The following CCDC14 variants were observed in gnomAD, a reference collection of about 807,000 sequenced individuals.
The protein encoded by CCDC14 is coiled-coil domain containing 14.
In CCDC14, 71 loss-of-function variants were observed where a neutral mutation model predicts 81.4. That is an observed-to-expected ratio of 0.87 (90% CI 0.72 to 1.06). CCDC14 has a LOEUF of 1.06. Among genes scored for constraint, CCDC14 ranks in the 50% least tolerant of loss-of-function variants. CCDC14 has a pLI of 0.00. For synonymous variants in CCDC14, 332 were observed against 364.8 expected, an observed-to-expected ratio of 0.91 and a Z score of 1.03; for missense variants, 1,046 against 1,047.3, an observed-to-expected ratio of 1.00 and a Z score of 0.02.
chr3:123,942,471 G>C (rs989392598), intron 9 of CCDC14, among the ~76,000 whole-genome samples: 1 of 152,068 alleles, frequency 6.6e-6, no homozygotes, highest in East Asian at 1.9e-4. Flanking sequence ...ATCTTATATC[G>C]TAGTAGCTAC....
chr3:123,958,060 T>C (rs1451659173), intron 1 of CCDC14: 2 of 152,130 alleles, frequency 1.3e-5, no homozygotes, highest in East Asian at 1.9e-4. Context: ...GTAAGAGTTA[T>C]ACGTCTTGAG....
intron 1 of CCDC14, chr3:123,958,770 C>G (rs2037490794): frequency 6.6e-6 from 1 of 152,016 alleles, no homozygotes; most frequent in Admixed American, 6.6e-5. Context: ...TATCCCAATA[C>G]TGTTCTTTAC....
intron 5 of CCDC14, chr3:123,955,572 C>T (rs1361504335): frequency 8.5e-6 from 2 of 236,198 alleles, no homozygotes; most frequent in Non-Finnish European, 8.1e-6. Context: ...ACTAAGATCA[C>T]TCTATATACC....
Position 123,931,088 on chromosome 3 carries a change from G to A in CCDC14, c.1778+14C>T. Reference sequence around the variant, plus strand: ...TAAAAAAGGCATGAGTTATTCAAAGGAAGTCAATTTTACCTGGTTAATTCT... The same window carrying A: ...TAAAAAAGGCATGAGTTATTCAAAGAAAGTCAATTTTACCTGGTTAATTCT... On this transcript the variant is annotated intron_variant, in intron 12 of 12. Transcript: ENST00000409697. 6.4e-7 allele frequency: 1 copy of A among 1,560,392 alleles called. No homozygotes were observed. The highest frequency in any genetic ancestry group is 8.6e-7 in the Non-Finnish European group (1 of 1,162,432).
Position 123,936,796 on chromosome 3 carries a change from C to T in CCDC14, c.1344-3041G>A, listed in dbSNP as rs72964807. On this transcript the variant is annotated intron_variant, in intron 9 of 12. Transcript: ENST00000409697. Reference sequence around the variant, plus strand: ...CATGTATAACAAACCTCCTGTGACACGTGTTTACCTATGTAACAAACCTTC... The same window carrying T: ...CATGTATAACAAACCTCCTGTGACATGTGTTTACCTATGTAACAAACCTTC... Among the ~76,000 whole-genome samples the T allele has an allele frequency of 8.3e-3, 1,270 of 152,108 alleles. 12 individuals carry two copies. The highest frequency in any genetic ancestry group is 0.027 in the African/African-American group (1,136 of 41,532).
At chr3:123,948,606 A>G (rs933379804) in intron 7 of CCDC14, 85 bp downstream of exon 7, 1 of 1,001,570 alleles carries the variant, frequency 1.0e-6, no homozygotes, top group African/African-American at 1.7e-5. Context: ...TAGTGCATTA[A>G]GTTATAAGCA....
intron 2 of CCDC14, 78 bp from the exon 3 acceptor site, chr3:123,956,505 AAAGAC>A (rs771559197): frequency 2.1e-5 from 22 of 1,038,380 alleles, no homozygotes; most frequent in East Asian, 1.1e-4. Flanking sequence ...TCTTTCCAGC[AAAGAC>A]AAGAAAGCTT....
downstream of CCDC14, among the ~76,000 whole-genome samples, chr3:123,911,793 G>A (rs1375042489): frequency 6.6e-6 from 1 of 152,196 alleles, no homozygotes; most frequent in Admixed American, 6.5e-5. Flanking sequence ...GGTCAGCTGT[G>A]ATGAAGCTGC....
intron 9 of CCDC14, among the ~76,000 whole-genome samples, chr3:123,942,055 T>G (rs1222581158): frequency 6.6e-6 from 1 of 152,008 alleles, no homozygotes; most frequent in Non-Finnish European, 1.5e-5. Context: ...TACACCTAAA[T>G]AGTGAGGTAT....
At chr3:123,936,004 C>G (rs1038441343) in intron 9 of CCDC14, among the ~76,000 whole-genome samples, 7 of 152,082 alleles carry the variant, frequency 4.6e-5, no homozygotes, top group Non-Finnish European at 8.8e-5. Context: ...CCATTCTCCT[C>G]CTAGACCATC....
At chr3:123,896,385 A>G (rs1276966939), downstream of CCDC14, among the ~76,000 whole-genome samples, 1 of 152,226 alleles carries the variant, frequency 6.6e-6, no homozygotes, top group African/African-American at 2.4e-5. Context: ...TTTATAAATT[A>G]CCCAGTTTTA....
rs79445981 is a variant in CCDC14, at chr3:123,949,360, A to C, written c.353-228T>G. 620 of 483,260 alleles carry C rather than the reference A, an allele frequency of 1.3e-3. 2 individuals carry two copies. Among genetic ancestry groups the C allele is most frequent in the African/African-American group, 1.0e-2 (519 of 52,034 alleles). 29.9% of individuals were successfully genotyped at this position (483,260 alleles called of 1,614,324 possible). On this transcript the variant is annotated intron_variant, in intron 5 of 12. Coordinates refer to ENST00000409697, the MANE Select transcript of CCDC14 (RefSeq NM_001366335.1). Reference sequence around the variant, plus strand: ...AAATCATCTATACTAATTCTTTACAATTCCCATTTTTTATGCTACTTGCCA... The same window carrying C: ...AAATCATCTATACTAATTCTTTACACTTCCCATTTTTTATGCTACTTGCCA...
chr3:123,886,307 G>A, the CCDC14 span, among the ~76,000 whole-genome samples: 1 of 151,862 alleles, frequency 6.6e-6, no homozygotes, highest in South Asian at 2.1e-4. Context: ...AGAAGCTCTA[G>A]TTTTTTTGTT....
intron 5 of CCDC14, among the ~76,000 whole-genome samples, chr3:123,902,874 C>T (rs538147503): frequency 6.6e-6 from 1 of 152,030 alleles, no homozygotes; most frequent in South Asian, 2.1e-4. Flanking sequence ...CATAGGTATA[C>T]ATGTGCCATG....
At chr3:123,917,418 C>G (rs2034772677) in intron 12 of CCDC14, among the ~76,000 whole-genome samples, 1 of 151,218 alleles carries the variant, frequency 6.6e-6, no homozygotes, top group African/African-American at 2.4e-5. Context: ...TTGCTTGAAC[C>G]CGGGAGGCAG....
rs185194184 is a variant in CCDC14, at chr3:123,932,897, A to G, written c.1426+776T>C. Among the ~76,000 whole-genome samples, 657 of 152,158 alleles carry G rather than the reference A, an allele frequency of 4.3e-3. 2 individuals are homozygous for G. The highest frequency in any genetic ancestry group is 7.2e-3 in the Non-Finnish European group (492 of 67,986). Reference sequence around the variant, plus strand: ...GTGGATCACTTGAGGTCAGGAGTTCAAGACCAGCCTGGCCAACATGATGAA... The same window carrying G: ...GTGGATCACTTGAGGTCAGGAGTTCGAGACCAGCCTGGCCAACATGATGAA... On this transcript the variant is annotated intron_variant, in intron 10 of 12. Transcript: ENST00000409697.
At chr3:123,936,375 T>C (rs562343889) in intron 9 of CCDC14, among the ~76,000 whole-genome samples, 1 of 152,200 alleles carries the variant, frequency 6.6e-6, no homozygotes. Flanking sequence ...TTCAAGTCAT[T>C]CTTTTTTTTT....
chr3:123,925,422 A>G (rs1286016665), intron 12 of CCDC14, among the ~76,000 whole-genome samples: 1 of 152,016 alleles, frequency 6.6e-6, no homozygotes, highest in Admixed American at 6.6e-5. Flanking sequence ...TGTGGGTTCT[A>G]TTGAACAGTA....
intron 2 of CCDC14, 22 bp from the exon 3 acceptor site, chr3:123,956,449 ATTC>A (rs764560170): frequency 1.2e-4 from 171 of 1,483,910 alleles, no homozygotes; most frequent in Non-Finnish European, 1.4e-4. Flanking sequence ...GCTTATTAAT[ATTC>A]TTACAAATAT....
Sources: gnomAD v4.1 joint callset for allele counts (sites outside exome capture counted in the v4.1 genomes callset) on GRCh38, gnomAD v4.1.1 for gene constraint, MANE v1.5 for transcripts, NCBI Gene and HGNC (gene_info 2026-07-23, HGNC 2026-07-21) for gene names.